GALNT13: variants seen among roughly 807,000 people sequenced by gnomAD.
GALNT13 encodes UDP-GalNAc:polypeptide N-acetylgalactosaminyltransferase 13.
GALNT13 carries 28 observed loss-of-function variants against 64.2 expected under a neutral mutation model. The ratio of observed to expected loss-of-function variants is 0.44; its 90% CI spans 0.32 to 0.60. The LOEUF (loss-of-function observed/expected upper bound fraction) is 0.60. Among genes scored for constraint, GALNT13 ranks in the 20% least tolerant of loss-of-function variants. The pLI is 0.05. For missense variants in GALNT13, 577 were observed against 669.8 expected (o/e 0.86, Z 1.53); for synonymous variants, 214 against 224.6 (o/e 0.95, Z 0.42).
At chr2:153,246,257 T>A in the GALNT13 span, among the ~76,000 whole-genome samples, 2 of 152,128 alleles carry the variant, frequency 1.3e-5, no homozygotes, top group Admixed American at 1.3e-4. Context: ...TTCCCCAACC[T>A]AGCAAGACAG....
the GALNT13 span, among the ~76,000 whole-genome samples, chr2:153,264,032 T>G: frequency 6.6e-6 from 1 of 152,078 alleles, no homozygotes; most frequent in Non-Finnish European, 1.5e-5. Flanking sequence ...GGGAGAAAAT[T>G]TTTGCAATCT....
chr2:154,085,722 C>G (rs1341317350), intron 3 of GALNT13, among the ~76,000 whole-genome samples: 1 of 152,022 alleles, frequency 6.6e-6, no homozygotes, highest in Non-Finnish European at 1.5e-5. Context: ...TCATTCCTCA[C>G]TGACCGATTT....
chr2:154,366,046 T>C (rs1244478873), intron 9 of GALNT13, among the ~76,000 whole-genome samples: 7 of 152,154 alleles, frequency 4.6e-5, no homozygotes, highest in Non-Finnish European at 7.4e-5. Flanking sequence ...TGTTGATGTG[T>C]TCCTGTAATT....
the GALNT13 span, among the ~76,000 whole-genome samples, chr2:153,352,724 A>G: frequency 6.6e-6 from 1 of 151,998 alleles, no homozygotes; most frequent in African/African-American, 2.4e-5. Flanking sequence ...TATTCTCTTC[A>G]TTGTATTGCC....
At chr2:153,157,074 A>T in the GALNT13 span, among the ~76,000 whole-genome samples, 2 of 152,214 alleles carry the variant, frequency 1.3e-5, no homozygotes, top group African/African-American at 4.8e-5. Flanking sequence ...CATAAGGCAT[A>T]TGGAGAAGAA....
At chr2:153,148,392 A>G in the GALNT13 span, among the ~76,000 whole-genome samples, 2 of 151,408 alleles carry the variant, frequency 1.3e-5, no homozygotes, top group African/African-American at 4.8e-5. Flanking sequence ...TTCCTGAATG[A>G]TTGTGTTCCT....
chr2:153,763,322 T>C, the GALNT13 span, among the ~76,000 whole-genome samples: 2 of 152,188 alleles, frequency 1.3e-5, no homozygotes, highest in African/African-American at 4.8e-5. Context: ...GTTAGTGAAC[T>C]ATCTTAGTGA....
At chr2:153,319,886 G>A in the GALNT13 span, among the ~76,000 whole-genome samples, 2 of 152,140 alleles carry the variant, frequency 1.3e-5, no homozygotes, top group Admixed American at 6.6e-5. Context: ...TGGGAAGAGA[G>A]TGGGAGTCAA....
chr2:153,237,560 A>G, the GALNT13 span, among the ~76,000 whole-genome samples: 1 of 152,160 alleles, frequency 6.6e-6, no homozygotes, highest in African/African-American at 2.4e-5. Context: ...GCTCCTACCA[A>G]TAATTGAGAA....
chr2:153,479,677 A>AT, the GALNT13 span, among the ~76,000 whole-genome samples: 4 of 152,220 alleles, frequency 2.6e-5, no homozygotes, highest in Non-Finnish European at 5.9e-5. Context: ...GCTCATCAAC[A>AT]TCCATCACCT....
chr2:153,567,260 T>G, the GALNT13 span, among the ~76,000 whole-genome samples: 1 of 152,140 alleles, frequency 6.6e-6, no homozygotes, highest in East Asian at 1.9e-4. Flanking sequence ...AAGGGCCAGG[T>G]TGAGATGGTC....
the GALNT13 span, among the ~76,000 whole-genome samples, chr2:153,319,331 G>A: frequency 6.6e-6 from 1 of 152,194 alleles, no homozygotes; most frequent in Non-Finnish European, 1.5e-5. Flanking sequence ...CTGGAGTGCA[G>A]TGCCATGATC....
At chr2:153,780,238 T>TATATGCATATATATATATATGC in the GALNT13 span, among the ~76,000 whole-genome samples, 1 of 15,098 alleles carries the variant, frequency 6.6e-5, no homozygotes, top group African/African-American at 1.4e-4. Context: ...TATATATATA[T>TATATGCATATATATATATATGC]ATATATATAT....
chr2:154,052,407 G>A (rs574242556), intron 3 of GALNT13, among the ~76,000 whole-genome samples: 44 of 152,242 alleles, frequency 2.9e-4, no homozygotes, highest in Non-Finnish European at 5.4e-4. Flanking sequence ...TGAAACACCA[G>A]TTCAAGTGTA....
the GALNT13 span, among the ~76,000 whole-genome samples, chr2:153,239,085 T>G: frequency 1.3e-5 from 2 of 152,258 alleles, no homozygotes; most frequent in African/African-American, 4.8e-5. Context: ...GGTATTTTAT[T>G]TTATTTGTAG....
At chr2:153,329,960 GAA>G in the GALNT13 span, among the ~76,000 whole-genome samples, 3 of 152,164 alleles carry the variant, frequency 2.0e-5, no homozygotes, top group Admixed American at 6.5e-5. Context: ...TCTATATAGT[GAA>G]AGGCAGCAGT....
the GALNT13 span, among the ~76,000 whole-genome samples, chr2:153,121,456 A>AT: frequency 6.6e-6 from 1 of 152,170 alleles, no homozygotes; most frequent in Non-Finnish European, 1.5e-5. Flanking sequence ...TATTAATCCC[A>AT]TTCTCCTCAA....
chr2:153,409,911 G>A, the GALNT13 span, among the ~76,000 whole-genome samples: 6 of 152,066 alleles, frequency 3.9e-5, no homozygotes, highest in Non-Finnish European at 7.4e-5. Context: ...CTCCAGACCT[G>A]GTTATATCTT....
intron 9 of GALNT13, among the ~76,000 whole-genome samples, chr2:154,327,692 T>A (rs1373379986): frequency 6.6e-6 from 1 of 152,092 alleles, no homozygotes; most frequent in African/African-American, 2.4e-5. Context: ...CAATTTAAAC[T>A]CTTACACAGG....
Sources: gnomAD v4.1 joint callset for allele counts (sites outside exome capture counted in the v4.1 genomes callset) on GRCh38, gnomAD v4.1.1 for gene constraint, MANE v1.5 for transcripts, NCBI Gene and HGNC (gene_info 2026-07-23, HGNC 2026-07-21) for gene names.